PTPRG: variants seen among roughly 807,000 people sequenced by gnomAD.
PTPRG encodes the protein receptor-type tyrosine-protein phosphatase gamma.
In PTPRG, 102 loss-of-function variants were observed where a neutral mutation model predicts 165.3. The ratio of observed to expected loss-of-function variants is 0.62; its 90% CI spans 0.53 to 0.73. The LOEUF is 0.73. Ranked by LOEUF, PTPRG falls within the 30% of genes least tolerant of loss-of-function variation. The pLI is 0.00. For synonymous variants in PTPRG, 675 were observed against 669.5 expected (o/e 1.01, Z -0.13); for missense variants, 1,866 against 1,861.4 (o/e 1.00, Z -0.05).
chr3:61,845,103 G>T (rs1315616158), intron 2 of PTPRG, among the ~76,000 whole-genome samples: 1 of 152,142 alleles, frequency 6.6e-6, no homozygotes, highest in Non-Finnish European at 1.5e-5. Context: ...TTTTGGGTTT[G>T]TCACACTTTC....
chr3:61,565,972 G>GA (rs1322651278), intron 1 of PTPRG, among the ~76,000 whole-genome samples: 1 of 152,014 alleles, frequency 6.6e-6, no homozygotes, highest in Admixed American at 6.6e-5. Context: ...TATCATGTTT[G>GA]AAAATGAAGA....
Position 62,157,232 on chromosome 3 carries a change from T to G in PTPRG, c.840+8T>G. 2.5e-6 allele frequency: 4 copies of G among 1,611,064 alleles called. No homozygotes were observed. Among genetic ancestry groups the G allele is most frequent in the Non-Finnish European group, 3.4e-6 (4 of 1,177,446 alleles). On this transcript the variant is annotated splice_region_variant and intron_variant, in intron 7 of 29. Coordinates refer to ENST00000474889, the MANE Select transcript of PTPRG (RefSeq NM_002841.4). ...CCCATCTCTTACCATCAGGTAGATA[T>G]TCTTCCTCAAGTGGGGTTTCTGTGT...
intron 2 of PTPRG, among the ~76,000 whole-genome samples, chr3:61,797,478 A>G (rs2035083725): frequency 6.6e-6 from 1 of 152,116 alleles, no homozygotes; most frequent in Non-Finnish European, 1.5e-5. Context: ...TGTTGATACA[A>G]ACATCACTAT....
intron 3 of PTPRG, among the ~76,000 whole-genome samples, chr3:61,995,710 TC>T (rs2041022083): frequency 7.3e-6 from 1 of 136,716 alleles, no homozygotes; most frequent in Non-Finnish European, 1.6e-5. Context: ...CTTCCTTCCT[TC>T]CTTCCTTCCT....
intron 2 of PTPRG, among the ~76,000 whole-genome samples, chr3:61,818,659 C>A (rs768389372): frequency 3.3e-5 from 5 of 151,582 alleles, no homozygotes; most frequent in Non-Finnish European, 5.9e-5. Flanking sequence ...GCAAGAAGAC[C>A]CTGTCTCCAA....
chr3:61,768,631 T>C (rs2034109580), intron 2 of PTPRG, among the ~76,000 whole-genome samples: 1 of 152,212 alleles, frequency 6.6e-6, no homozygotes, highest in Non-Finnish European at 1.5e-5. Context: ...AAAGTAAAGA[T>C]TGTCATACAG....
At chr3:61,905,651 C>G (rs1296611338) in intron 2 of PTPRG, among the ~76,000 whole-genome samples, 1 of 152,154 alleles carries the variant, frequency 6.6e-6, no homozygotes, top group East Asian at 1.9e-4. Context: ...TAAAGATCTA[C>G]AAAATCAAGA....
intron 1 of PTPRG, among the ~76,000 whole-genome samples, chr3:61,685,984 A>G (rs1703612379): frequency 1.3e-5 from 2 of 152,152 alleles, no homozygotes; most frequent in Non-Finnish European, 2.9e-5. Flanking sequence ...TTGTTGGGGT[A>G]TGAGTGGGAG....
In PTPRG at chr3:61,672,005, G is replaced by GGGT. The variant is rs1326041553; in HGVS notation, c.86-76871_86-76870insTGG. Among the ~76,000 whole-genome samples, 62 of 128,576 alleles carry GGGT rather than the reference G, an allele frequency of 4.8e-4. 1 individual carries two copies. Among genetic ancestry groups the GGGT allele is most frequent in the African/African-American group, 1.8e-3 (58 of 31,852 alleles). The allele number at this position is 128,576 out of a possible 152,430, so 84.4% of individuals were successfully genotyped here. On this transcript the variant is annotated intron_variant, in intron 1 of 29. Coordinates refer to ENST00000474889, the MANE Select transcript of PTPRG (RefSeq NM_002841.4). ...GGAGGGGCTCCTCACTTCTCAGACG[G>GGGT]GGCGGTTGCCAGGCAGAGGGTCTCC...
chr3:61,894,214 AT>A (rs2107506142), intron 2 of PTPRG, among the ~76,000 whole-genome samples: 1 of 147,880 alleles, frequency 6.8e-6, no homozygotes, highest in Admixed American at 6.9e-5. Context: ...AGGCGAAAGA[AT>A]TGCTTGAACC....
intron 1 of PTPRG, among the ~76,000 whole-genome samples, chr3:61,604,114 A>G (rs1700936817): frequency 6.6e-6 from 1 of 152,208 alleles, no homozygotes; most frequent in South Asian, 2.1e-4. Flanking sequence ...GCTTGAGGCT[A>G]GGAGTACAAG....
Position 61,883,654 on chromosome 3 carries a change from G to A in PTPRG, c.191-105971G>A, listed in dbSNP as rs1040331253. 2.0e-5 allele frequency among the ~76,000 whole-genome samples: 3 copies of A among 152,274 alleles called. No homozygotes were observed. In the East Asian group the frequency reaches 5.8e-4, roughly 29 times the overall value. On this transcript the variant is annotated intron_variant, in intron 2 of 29. Coordinates refer to ENST00000474889, the MANE Select transcript of PTPRG (RefSeq NM_002841.4). ...TTAATATAAAAATACATATCATGAAGTTTGAGATACCTTTTATGGGTTGAA... is the reference window on the plus strand; with the variant it reads ...TTAATATAAAAATACATATCATGAAATTTGAGATACCTTTTATGGGTTGAA...
At chr3:61,679,116 G>T (rs558870831) in intron 1 of PTPRG, among the ~76,000 whole-genome samples, 4 of 152,326 alleles carry the variant, frequency 2.6e-5, no homozygotes, top group African/African-American at 9.6e-5. Flanking sequence ...TCAAATCAGA[G>T]TCTGGAAAGC....
At chr3:62,250,570 T>C (rs1559706662) in intron 15 of PTPRG, among the ~76,000 whole-genome samples, 5 of 152,200 alleles carry the variant, frequency 3.3e-5, no homozygotes, top group Non-Finnish European at 7.4e-5. Flanking sequence ...AGAAAGGAAA[T>C]TTAGCGTGTA....
chr3:61,766,533 C>A (rs1318227609), intron 2 of PTPRG, among the ~76,000 whole-genome samples: 1 of 151,908 alleles, frequency 6.6e-6, no homozygotes, highest in East Asian at 1.9e-4. Context: ...AATTTCAGCT[C>A]TCTTTAGTAG....
At chr3:61,672,591 C>T (rs1479676833) in intron 1 of PTPRG, among the ~76,000 whole-genome samples, 9 of 7,544 alleles carry the variant, frequency 1.2e-3, no homozygotes, top group African/African-American at 2.6e-3. Flanking sequence ...ATGGCGGCGC[C>T]GCCTGCAATT....
At chr3:62,204,060 A>G (rs1260062596) in intron 12 of PTPRG, 110 bp downstream of exon 12, 4 of 1,441,790 alleles carry the variant, frequency 2.8e-6, no homozygotes, top group African/African-American at 2.8e-5. Context: ...TAATATTCTT[A>G]GAATCATATA....
chr3:61,598,105 T>C (rs1700750221), intron 1 of PTPRG, among the ~76,000 whole-genome samples: 4 of 152,200 alleles, frequency 2.6e-5, no homozygotes, highest in Admixed American at 2.6e-4. Flanking sequence ...CCGGTCTCAG[T>C]GGTAACAAGC....
intron 2 of PTPRG, among the ~76,000 whole-genome samples, chr3:61,811,498 A>G (rs914469553): frequency 6.6e-6 from 1 of 152,224 alleles, no homozygotes; most frequent in African/African-American, 2.4e-5. Flanking sequence ...CAGAAAACCA[A>G]CAAGAGCCAG....
Sources: gnomAD v4.1 joint callset for allele counts (sites outside exome capture counted in the v4.1 genomes callset) on GRCh38, gnomAD v4.1.1 for gene constraint, MANE v1.5 for transcripts, NCBI Gene and HGNC (gene_info 2026-07-23, HGNC 2026-07-21) for gene names.